The following PRKG1 variants were observed in gnomAD, a reference collection of about 807,000 sequenced individuals.
The protein encoded by PRKG1 is protein kinase cGMP-dependent 1.
PRKG1 carries 35 observed loss-of-function variants against 88.1 expected under a neutral mutation model. The observed-to-expected ratio is 0.40, with a 90% confidence interval of 0.30 to 0.53. The LOEUF is 0.53. PRKG1 is among the 20% of genes least tolerant of loss of function. The probability of loss-of-function intolerance (pLI) is 0.59; values close to 1 mark genes in which losing one functional copy is unlikely to be tolerated. For missense variants in PRKG1, 540 were observed against 839.8 expected (o/e 0.64, Z 4.41); for synonymous variants, 303 against 292.5 (o/e 1.04, Z -0.37).
At chr10:51,014,289 T>C (rs546167309) in intron 1 of PRKG1, among the ~76,000 whole-genome samples, 1 of 151,596 alleles carries the variant, frequency 6.6e-6, no homozygotes, top group Admixed American at 6.6e-5. Flanking sequence ...TGTTGCCTTG[T>C]AGGAGCTACT....
At chr10:52,239,837 G>A (rs1840812309) in intron 9 of PRKG1, among the ~76,000 whole-genome samples, 1 of 152,116 alleles carries the variant, frequency 6.6e-6, no homozygotes, top group Admixed American at 6.5e-5. Context: ...TATACATATA[G>A]AAAAGACAAG....
At chr10:51,552,049 G>GTA (rs1194703668) in intron 3 of PRKG1, among the ~76,000 whole-genome samples, 1 of 151,516 alleles carries the variant, frequency 6.6e-6, no homozygotes, top group Non-Finnish European at 1.5e-5. Flanking sequence ...GGCTGACTTT[G>GTA]TAAATAGTAC....
intron 3 of PRKG1, among the ~76,000 whole-genome samples, chr10:51,661,249 C>T (rs954667581): frequency 6.6e-6 from 1 of 151,992 alleles, no homozygotes; most frequent in African/African-American, 2.4e-5. Flanking sequence ...CAGTTATTTC[C>T]CCTACTTACA....
intron 1 of PRKG1, among the ~76,000 whole-genome samples, chr10:51,134,480 T>G (rs1026627741): frequency 1.3e-5 from 2 of 152,188 alleles, no homozygotes; most frequent in African/African-American, 4.8e-5. Flanking sequence ...TACCATGCAG[T>G]AGTCCTGAAA....
At chr10:51,123,451 C>T (rs575925345) in intron 1 of PRKG1, among the ~76,000 whole-genome samples, 10 of 152,048 alleles carry the variant, frequency 6.6e-5, no homozygotes, top group South Asian at 2.1e-4. Flanking sequence ...TTTGAGAGGC[C>T]GAGGCAAATA....
In PRKG1 at chr10:51,345,825, C is replaced by T. The variant is rs747210656; in HGVS notation, c.479-121898C>T. Among the ~76,000 whole-genome samples the T allele has an allele frequency of 1.7e-4, 26 of 152,140 alleles. 1 individual carries two copies. The highest frequency in any genetic ancestry group is 9.8e-4 in the Admixed American group (15 of 15,272). On this transcript the variant is annotated intron_variant, in intron 2 of 17. Coordinates refer to ENST00000373980, the MANE Select transcript of PRKG1 (RefSeq NM_006258.4). Reference sequence around the variant, plus strand: ...AACATGAAAGTAAGCAATTATGGTACGGTGTGACAAAGGCCATGCTACGGG... The same window carrying T: ...AACATGAAAGTAAGCAATTATGGTATGGTGTGACAAAGGCCATGCTACGGG...
At chr10:52,277,981 C>T (rs1194957286) in intron 12 of PRKG1, among the ~76,000 whole-genome samples, 1 of 152,082 alleles carries the variant, frequency 6.6e-6, no homozygotes, top group Non-Finnish European at 1.5e-5. Flanking sequence ...AAAAGGCCCA[C>T]TCAAATCACA....
chr10:51,058,796 CAGTT>C lies in PRKG1; in HGVS notation c.266+67155_266+67158del, dbSNP rs148898553. On this transcript the variant is annotated intron_variant, in intron 1 of 17. Transcript: ENST00000401604. ...TTTTAGAAGCTTATCTTATCTCTCA[CAGTT>C]AGAGCTACAAATCTTCTGAAATAGA... Among the ~76,000 whole-genome samples the C allele has an allele frequency of 1.5e-3, 235 of 152,250 alleles. 2 individuals carry two copies. Among genetic ancestry groups the C allele is most frequent in the African/African-American group, 5.4e-3 (223 of 41,566 alleles).
chr10:51,294,061 A>G (rs1304003807), intron 2 of PRKG1, among the ~76,000 whole-genome samples: 1 of 152,000 alleles, frequency 6.6e-6, no homozygotes, highest in African/African-American at 2.4e-5. Context: ...CTAAGTTTTA[A>G]TAGAGTTTCT....
chr10:51,385,168 C>T lies in PRKG1; in HGVS notation c.479-82555C>T, dbSNP rs138931887. The stretch of plus-strand genomic sequence containing the variant: ...GTGAAACGGCTTTGGTTGGGTAATG[C>T]GATACATTATGTGTTATCAGAAAAA... On this transcript the variant is annotated intron_variant, in intron 2 of 17. Transcript: ENST00000373980. 3.4e-3 allele frequency among the ~76,000 whole-genome samples: 516 copies of T among 152,114 alleles called. 4 individuals carry two copies. The highest frequency in any genetic ancestry group is 0.012 in the African/African-American group (489 of 41,470).
intron 3 of PRKG1, among the ~76,000 whole-genome samples, chr10:51,471,353 G>A (rs1364550850): frequency 6.6e-6 from 1 of 151,726 alleles, no homozygotes; most frequent in Non-Finnish European, 1.5e-5. Flanking sequence ...TTTTGAAATT[G>A]TATAGTGAAA....
At chr10:51,253,953 G>A (rs1478260125) in intron 2 of PRKG1, among the ~76,000 whole-genome samples, 1 of 151,900 alleles carries the variant, frequency 6.6e-6, no homozygotes, top group Non-Finnish European at 1.5e-5. Context: ...GAAAAATGTT[G>A]CCATGTTTTT....
chr10:51,415,935 G>C (rs947979439), intron 2 of PRKG1, among the ~76,000 whole-genome samples: 1 of 151,982 alleles, frequency 6.6e-6, no homozygotes, highest in Non-Finnish European at 1.5e-5. Context: ...GTGTGTGTGT[G>C]TGTGTGTGTC....
chr10:51,448,449 C>T (rs978058877), intron 2 of PRKG1, among the ~76,000 whole-genome samples: 2 of 151,962 alleles, frequency 1.3e-5, no homozygotes, highest in Admixed American at 6.6e-5. Flanking sequence ...GTCATGATAA[C>T]CACATGAAGT....
intron 3 of PRKG1, among the ~76,000 whole-genome samples, chr10:51,721,431 G>T (rs1218968485): frequency 2.0e-5 from 3 of 152,180 alleles, no homozygotes; most frequent in Admixed American, 2.0e-4. Flanking sequence ...TTTGGAGAAT[G>T]TTCCTCAGTA....
At chr10:51,507,866 T>C (rs564162822) in intron 3 of PRKG1, among the ~76,000 whole-genome samples, 1 of 152,298 alleles carries the variant, frequency 6.6e-6, no homozygotes, top group South Asian at 2.1e-4. Flanking sequence ...GCTTACAGTT[T>C]ATTCTGCTTT....
At chr10:51,556,561 T>C (rs1029657743) in intron 3 of PRKG1, among the ~76,000 whole-genome samples, 1 of 152,014 alleles carries the variant, frequency 6.6e-6, no homozygotes, top group Non-Finnish European at 1.5e-5. Flanking sequence ...CATGAAAATG[T>C]TCCTTGCAGC....
At chr10:51,257,253 A>T (rs919553745) in intron 2 of PRKG1, among the ~76,000 whole-genome samples, 1 of 151,264 alleles carries the variant, frequency 6.6e-6, no homozygotes, top group African/African-American at 2.4e-5. Flanking sequence ...AGAGATGCCC[A>T]TCAGACAGCT....
Position 52,234,452 on chromosome 10 carries a change from AT to A in PRKG1, c.1077-17117del, listed in dbSNP as rs1215717927. Among the ~76,000 whole-genome samples, 1,208 of 151,952 alleles carry A rather than the reference AT, an allele frequency of 7.9e-3. 16 individuals carry two copies. Among genetic ancestry groups the A allele is most frequent in the African/African-American group, 0.028 (1,147 of 41,386 alleles). On this transcript the variant is annotated intron_variant, in intron 9 of 17. Transcript: ENST00000373980. ...GAAGCATGTATAACTAGAATAACCA[AT>A]ACAGAGAAGTGCTTAAAGGAGCTGA...
Sources: allele counts gnomAD v4.1 joint callset (sites outside exome capture counted in the v4.1 genomes callset), GRCh38; gene constraint gnomAD v4.1.1; transcripts MANE v1.5; gene names NCBI Gene and HGNC (gene_info 2026-07-23, HGNC 2026-07-21).